Variants in ITPR1 observed in about 807,000 individuals in gnomAD.
ITPR1 encodes the protein inositol 1,4,5-trisphosphate receptor type 1, also known as inositol 1,4,5-trisphosphate-gated calcium channel ITPR1.
Under a neutral mutation model 318.4 loss-of-function variants are expected in ITPR1, and 96 were observed. The ratio of observed to expected loss-of-function variants is 0.30; its 90% CI spans 0.26 to 0.36. ITPR1 has a LOEUF of 0.36. Ranked by LOEUF, ITPR1 falls within the 10% of genes least tolerant of loss-of-function variation. ITPR1 has a pLI of 1.00. For synonymous variants in ITPR1, 1,312 were observed against 1,289.9 expected (o/e 1.02, Z -0.37); for missense variants, 2,440 against 3,460.2 (o/e 0.71, Z 7.40).
chr3:4,659,778 C>G (rs1220014195), intron 13 of ITPR1, among the ~76,000 whole-genome samples: 8 of 151,702 alleles, frequency 5.3e-5, no homozygotes, highest in Admixed American at 2.0e-4. Context: ...TTAACTGGTT[C>G]ATTATTGGAC....
intron 44 of ITPR1, among the ~76,000 whole-genome samples, chr3:4,763,437 T>A (rs924974673): frequency 6.6e-6 from 1 of 152,186 alleles, no homozygotes; most frequent in African/African-American, 2.4e-5. Flanking sequence ...GCACTGGTTG[T>A]ATATCTCCTT....
intron 55 of ITPR1, among the ~76,000 whole-genome samples, chr3:4,810,679 A>G (rs988740267): frequency 2.6e-5 from 4 of 152,186 alleles, no homozygotes; most frequent in Non-Finnish European, 5.9e-5. Flanking sequence ...CTTATTCTTC[A>G]TAACAACTCT....
chr3:4,682,364 A>G (rs2094318198), intron 26 of ITPR1, among the ~76,000 whole-genome samples: 1 of 152,254 alleles, frequency 6.6e-6, no homozygotes, highest in African/African-American at 2.4e-5. Flanking sequence ...ACAAGCCAAC[A>G]GTATGCAAGT....
intron 2 of ITPR1, among the ~76,000 whole-genome samples, chr3:4,514,588 A>T (rs2082056109): frequency 6.6e-6 from 1 of 152,170 alleles, no homozygotes; most frequent in Admixed American, 6.5e-5. Flanking sequence ...TCCTGAAAGG[A>T]GAGCCTTAGT....
intron 5 of ITPR1, among the ~76,000 whole-genome samples, chr3:4,635,985 C>T (rs568274943): frequency 6.6e-6 from 1 of 152,004 alleles, no homozygotes; most frequent in Non-Finnish European, 1.5e-5. Flanking sequence ...CTCAGCCTCC[C>T]GAGCAGCTGG....
chr3:4,511,174 T>G (rs1308309723), intron 2 of ITPR1, among the ~76,000 whole-genome samples: 1 of 152,188 alleles, frequency 6.6e-6, no homozygotes, highest in Non-Finnish European at 1.5e-5. Flanking sequence ...AGGAAAGGTA[T>G]AGAGAAGGCA....
intron 42 of ITPR1, among the ~76,000 whole-genome samples, chr3:4,728,422 A>T (rs1234530352): frequency 6.6e-6 from 1 of 152,170 alleles, no homozygotes; most frequent in Admixed American, 6.5e-5. Flanking sequence ...TCTTGGAACT[A>T]TGGTCGTCGG....
intron 59 of ITPR1, among the ~76,000 whole-genome samples, chr3:4,815,641 G>A (rs2106495704): frequency 6.6e-6 from 1 of 152,242 alleles, no homozygotes; most frequent in South Asian, 2.1e-4. Context: ...CTACGTAAAA[G>A]AGGTGCATGG....
At chr3:4,726,289 G>A (rs2042510810) in intron 41 of ITPR1, among the ~76,000 whole-genome samples, 1 of 151,036 alleles carries the variant, frequency 6.6e-6, no homozygotes, top group African/African-American at 2.4e-5. Flanking sequence ...CTCAGCCTCT[G>A]AAAGTGCTGG....
At chr3:4,839,974 T>C (rs1029225712) in intron 61 of ITPR1, among the ~76,000 whole-genome samples, 1 of 151,400 alleles carries the variant, frequency 6.6e-6, no homozygotes. Context: ...TTACCAGGAT[T>C]GATCTACTTA....
intron 60 of ITPR1, among the ~76,000 whole-genome samples, chr3:4,829,970 T>C (rs867341795): frequency 9.3e-6 from 1 of 108,006 alleles, no homozygotes; most frequent in South Asian, 3.8e-4. Context: ...TTTTTTTTTT[T>C]TTTTTTTTTG....
At chr3:4,769,760 G>T (rs2046067604) in intron 46 of ITPR1, among the ~76,000 whole-genome samples, 1 of 152,232 alleles carries the variant, frequency 6.6e-6, no homozygotes, top group South Asian at 2.1e-4. Context: ...AGCTCATGTT[G>T]TTAACCAAAT....
intron 4 of ITPR1, among the ~76,000 whole-genome samples, chr3:4,626,917 C>G (rs911333031): frequency 1.3e-5 from 2 of 152,316 alleles, no homozygotes; most frequent in African/African-American, 4.8e-5. Flanking sequence ...TTCCCAGTTT[C>G]AAGCGATTCT....
chr3:4,619,230 C>T lies in ITPR1; in HGVS notation c.164-8533C>T, dbSNP rs969979336. The stretch of plus-strand genomic sequence containing the variant: ...CCATTAGTCTGAAATTTTGCAATGA[C>T]ATGTATGGGTCTGTATTTTCTTATG... On this transcript the variant is annotated intron_variant, in intron 4 of 61. Transcript: ENST00000649015. Among the ~76,000 whole-genome samples the T allele has an allele frequency of 4.1e-4, 62 of 152,218 alleles. 1 individual carries two copies. Among genetic ancestry groups the T allele is most frequent in the Admixed American group, 2.9e-3 (45 of 15,292 alleles).
At chr3:4,668,419 A>T (rs114215917) in intron 18 of ITPR1, among the ~76,000 whole-genome samples, 1 of 151,642 alleles carries the variant, frequency 6.6e-6, no homozygotes. Flanking sequence ...GACCTCCTCC[A>T]GTTCCATCCA....
rs1051577263 is a variant in ITPR1 at position 4,847,027 on chromosome 3, T to C, written c.*802T>C. 1 of 152,662 alleles carries C rather than the reference T, an allele frequency of 6.6e-6. No individual in the cohort carries two copies. The highest frequency in any genetic ancestry group is 1.5e-5 in the Non-Finnish European group (1 of 68,046). 9.5% of individuals were successfully genotyped at this position (152,662 alleles called of 1,614,324 possible). ...CTATGCAATGTTCAGGATAAATGCA[T>C]ACTGCTGGCCAATCAGTGTCATCTC... is the stretch of plus-strand genomic sequence containing the variant. On this transcript the variant is annotated 3_prime_UTR_variant, in exon 62 of 62. Coordinates refer to ENST00000649015, the MANE Select transcript of ITPR1 (RefSeq NM_001378452.1).
intron 4 of ITPR1, among the ~76,000 whole-genome samples, chr3:4,547,097 T>G (rs959330102): frequency 2.6e-5 from 4 of 152,224 alleles, no homozygotes; most frequent in African/African-American, 4.8e-5. Flanking sequence ...ATTGAGTGTC[T>G]ACTCCATTCA....
chr3:4,581,960 T>TA (rs200138951), intron 4 of ITPR1, among the ~76,000 whole-genome samples: 6 of 151,648 alleles, frequency 4.0e-5, no homozygotes, highest in African/African-American at 1.2e-4. Context: ...TTTTTTTTTT[T>TA]AAAAAGGAAA....
chr3:4,763,506 C>T (rs2045598929), intron 44 of ITPR1, among the ~76,000 whole-genome samples: 1 of 152,202 alleles, frequency 6.6e-6, no homozygotes, highest in African/African-American at 2.4e-5. Flanking sequence ...CCTCAGAGCC[C>T]AGCCTGGGAC....
Sources: allele counts gnomAD v4.1 joint callset (sites outside exome capture counted in the v4.1 genomes callset), GRCh38; gene constraint gnomAD v4.1.1; transcripts MANE v1.5; gene names NCBI Gene and HGNC (gene_info 2026-07-23, HGNC 2026-07-21).